RAB5C: variants seen among roughly 807,000 people sequenced by gnomAD.
RAB5C encodes ras-related protein Rab-5C.
A neutral mutation model predicts 25.2 loss-of-function variants in RAB5C; 4 were observed. The observed-to-expected ratio is 0.16, with a 90% confidence interval of 0.08 to 0.36. The LOEUF is 0.36. Ranked by LOEUF, RAB5C falls within the 10% of genes least tolerant of loss-of-function variation. RAB5C has a pLI of 1.00. For missense variants in RAB5C, 199 were observed against 283.8 expected, an observed-to-expected ratio of 0.70 and a Z score of 2.15; for synonymous variants, 100 against 106.4, an observed-to-expected ratio of 0.94 and a Z score of 0.37.
rs187192499 is a variant in RAB5C, at chr17:42,149,451, A to G, written c.-89+5442T>C. Among the ~76,000 whole-genome samples, 13 of 152,230 alleles carry G rather than the reference A, an allele frequency of 8.5e-5. No individual in the cohort carries two copies. In the East Asian group the frequency reaches 1.9e-3, roughly 23 times the overall value. On this transcript the variant is annotated intron_variant, in intron 1 of 5. Transcript: ENST00000346213. The stretch of plus-strand genomic sequence containing the variant: ...ACAAAAACTAGCCGGGCATGGTGGT[A>G]CATGCCTACAGTCCCAGCTACTCAG...
intron 1 of RAB5C, among the ~76,000 whole-genome samples, chr17:42,148,143 G>A (rs1283865586): frequency 2.0e-5 from 3 of 151,930 alleles, no homozygotes; most frequent in African/African-American, 4.8e-5. Flanking sequence ...GGGCACAGTG[G>A]CTCATGCCTG....
At chr17:42,151,226 G>A (rs528089015) in intron 1 of RAB5C, among the ~76,000 whole-genome samples, 1 of 152,208 alleles carries the variant, frequency 6.6e-6, no homozygotes, top group Non-Finnish European at 1.5e-5. Context: ...CACGAGGTCA[G>A]GAGATCGAGA....
intron 3 of RAB5C, 77 bp from the exon 4 acceptor site, chr17:42,128,460 C>T: frequency 2.6e-6 from 4 of 1,517,994 alleles, no homozygotes; most frequent in Non-Finnish European, 3.5e-6. Flanking sequence ...GACTCTCAAG[C>T]TGGCACAGCC....
chr17:42,151,660 C>G (rs2079672508), intron 1 of RAB5C, among the ~76,000 whole-genome samples: 1 of 152,152 alleles, frequency 6.6e-6, no homozygotes, highest in South Asian at 2.1e-4. Context: ...CAGTGGGACC[C>G]CTGAGTTTAC....
intron 1 of RAB5C, chr17:42,136,497 A>G (rs1038960775): frequency 6.6e-6 from 1 of 151,992 alleles, no homozygotes; most frequent in African/African-American, 2.4e-5. Flanking sequence ...TTCAAGCTCC[A>G]CTCCACCGTT....
chr17:42,136,983 G>C (rs1435628686), intron 1 of RAB5C, among the ~76,000 whole-genome samples: 1 of 152,182 alleles, frequency 6.6e-6, no homozygotes, highest in Non-Finnish European at 1.5e-5. Context: ...CTTTTAGCTA[G>C]GAAAAAATGA....
At chr17:42,146,120 G>C (rs763968884) in intron 1 of RAB5C, among the ~76,000 whole-genome samples, 119 of 152,170 alleles carry the variant, frequency 7.8e-4, no homozygotes, top group Non-Finnish European at 1.4e-3. Flanking sequence ...ATCCTCTTTA[G>C]ATGCTTGCCC....
At chr17:42,131,630 G>A in intron 1 of RAB5C, 3 of 1,533,460 alleles carry the variant, frequency 2.0e-6, no homozygotes, top group Non-Finnish European at 2.6e-6. Context: ...TCTACTGGCA[G>A]AGATGGGGCG....
intron 1 of RAB5C, among the ~76,000 whole-genome samples, chr17:42,149,877 T>G (rs1174536982): frequency 2.1e-5 from 2 of 93,082 alleles, no homozygotes; most frequent in Non-Finnish European, 4.1e-5. Flanking sequence ...CCCAGGCTGG[T>G]TTTTTTTTTT....
intron 1 of RAB5C, among the ~76,000 whole-genome samples, chr17:42,135,036 A>C (rs1002803125): frequency 6.8e-6 from 1 of 146,372 alleles, no homozygotes; most frequent in Non-Finnish European, 1.5e-5. Context: ...GCTGGAGTGC[A>C]GTGGCACGAT....
At chr17:42,130,805 G>A (rs1051429505) in intron 1 of RAB5C, among the ~76,000 whole-genome samples, 2 of 151,452 alleles carry the variant, frequency 1.3e-5, no homozygotes, top group Non-Finnish European at 2.9e-5. Flanking sequence ...CTGTAAAGAG[G>A]AGAATGGTCT....
intron 1 of RAB5C, chr17:42,131,519 CGAAACAAACACACACA>C (rs2144067990): frequency 3.0e-6 from 4 of 1,328,694 alleles, no homozygotes; most frequent in East Asian, 2.5e-5. Context: ...AAACACACAC[CGAAACAAACACACACA>C]GAAACACACA....
chr17:42,154,183 T>C (rs1416177387), intron 1 of RAB5C, among the ~76,000 whole-genome samples: 1 of 152,084 alleles, frequency 6.6e-6, no homozygotes, highest in East Asian at 1.9e-4. Context: ...TCCACCCTGA[T>C]CTGTGATCTG....
chr17:42,130,706 C>T (rs2054476758), intron 1 of RAB5C, 116 bp from the exon 2 acceptor site: 2 of 1,270,430 alleles, frequency 1.6e-6, no homozygotes, highest in African/African-American at 1.5e-5. Flanking sequence ...GACTGCTTCC[C>T]CTCACCTCAC....
rs2054409063 is a variant in RAB5C at position 42,125,464 on chromosome 17, T to G, written c.*319A>C. 3.5e-6 allele frequency: 1 copy of G among 288,294 alleles called. No individual in the cohort carries two copies. Among genetic ancestry groups the G allele is most frequent in the Non-Finnish European group, 6.6e-6 (1 of 150,510 alleles). 17.9% of individuals were successfully genotyped at this position (288,294 alleles called of 1,614,324 possible). A position where few individuals can be genotyped will look rare whatever the true frequency, so the allele number is the denominator to read the frequency against. On this transcript the variant is annotated 3_prime_UTR_variant, in exon 6 of 6. Transcript: ENST00000346213. ...CCCCACTGTCCCCATATACAAGGGT[T>G]GGGGGGCAAGAGCATGTGGCTACTC...
intron 2 of RAB5C, 112 bp downstream of exon 2, chr17:42,130,225 C>T: frequency 7.0e-7 from 1 of 1,434,808 alleles, no homozygotes; most frequent in Non-Finnish European, 9.3e-7. Context: ...GGGGCTGCCA[C>T]CACAGACGCA....
intron 5 of RAB5C, among the ~76,000 whole-genome samples, chr17:42,126,200 G>A (rs1226757388): frequency 6.6e-6 from 1 of 152,168 alleles, no homozygotes; most frequent in East Asian, 1.9e-4. Flanking sequence ...GGCAGGCTCT[G>A]AAATGGGTGG....
chr17:42,147,492 C>T (rs1043630278), intron 1 of RAB5C, among the ~76,000 whole-genome samples: 3 of 152,234 alleles, frequency 2.0e-5, no homozygotes, highest in Non-Finnish European at 2.9e-5. Flanking sequence ...GATACACACA[C>T]GGCAGAAGCC....
chr17:42,128,850 C>T (rs1374438790), intron 2 of RAB5C, 50 bp from the exon 3 acceptor site: 2 of 1,368,740 alleles, frequency 1.5e-6, no homozygotes, highest in Admixed American at 2.7e-5. Flanking sequence ...GGAATCCACC[C>T]CACACAATCC....
Sources: gnomAD v4.1 joint callset for allele counts (sites outside exome capture counted in the v4.1 genomes callset) on GRCh38, gnomAD v4.1.1 for gene constraint, MANE v1.5 for transcripts, NCBI Gene and HGNC (gene_info 2026-07-23, HGNC 2026-07-21) for gene names.